The following PCDHGA2 variants were observed in gnomAD, a reference collection of about 807,000 sequenced individuals.
The protein encoded by PCDHGA2 is protocadherin gamma-A2.
A neutral mutation model predicts 59.2 loss-of-function variants in PCDHGA2; 40 were observed. The observed-to-expected ratio is 0.68, with a 90% CI of 0.52 to 0.88. The LOEUF is 0.88. Among genes scored for constraint, PCDHGA2 ranks in the 40% least tolerant of loss-of-function variants. The pLI is 0.00. For synonymous variants in PCDHGA2, 560 were observed against 526.0 expected, an observed-to-expected ratio of 1.06 and a Z score of -0.89; for missense variants, 1,226 against 1,204.0, an observed-to-expected ratio of 1.02 and a Z score of -0.27.
chr5:141,509,068 G>T (rs1267011061), intron 3 of PCDHGA2, among the ~76,000 whole-genome samples: 1 of 152,144 alleles, frequency 6.6e-6, no homozygotes, highest in Non-Finnish European at 1.5e-5. Context: ...TCTCAGCTCC[G>T]GGGATTTGCG....
chr5:141,370,888 A>G, intron 1 of PCDHGA2: 1 of 1,614,036 alleles, frequency 6.2e-7, no homozygotes, highest in Non-Finnish European at 8.5e-7. Context: ...GTAGGTGTCA[A>G]TTCGCTGCAG....
chr5:141,398,740 CAG>C (rs759927246), intron 1 of PCDHGA2: 11 of 1,613,746 alleles, frequency 6.8e-6, no homozygotes, highest in Non-Finnish European at 1.7e-6. Context: ...CCGGGAACAA[CAG>C]AGTTACCATC....
chr5:141,396,611 C>T (rs1310113508), intron 1 of PCDHGA2: 1 of 150,986 alleles, frequency 6.6e-6, no homozygotes, highest in Non-Finnish European at 1.5e-5. Flanking sequence ...CAGGGTGAGA[C>T]TCCGTCTCAA....
rs888836155 is a variant in PCDHGA2, at chr5:141,512,011, A to C, written c.*838A>C. The C allele has an allele frequency of 1.3e-5, 2 of 152,946 alleles. No homozygotes were observed. The highest frequency in any genetic ancestry group is 6.5e-5 in the Admixed American group (1 of 15,300). The allele number at this position is 152,946 out of a possible 1,614,324, so 9.5% of individuals were successfully genotyped here. ...GGCATGGACAAAGCTTGACACATCA[A>C]GTTATCAAGGCCTTGGAGGAGGCTC... On this transcript the variant is annotated 3_prime_UTR_variant, in exon 4 of 4. Coordinates refer to ENST00000394576, the MANE Select transcript of PCDHGA2 (RefSeq NM_018915.4).
chr5:141,408,155 C>T (rs1355335396), intron 1 of PCDHGA2: 2 of 1,511,456 alleles, frequency 1.3e-6, no homozygotes, highest in Non-Finnish European at 1.8e-6. Flanking sequence ...GTAGAGTGCA[C>T]TTTCTCCAAC....
At chr5:141,362,570 A>T (rs1444834123) in intron 1 of PCDHGA2, 1 of 1,606,622 alleles carries the variant, frequency 6.2e-7, no homozygotes, top group Non-Finnish European at 8.5e-7. Flanking sequence ...AGCTTTAATT[A>T]ATTTATTTTC....
chr5:141,496,554 G>T (rs2099769470), intron 2 of PCDHGA2, among the ~76,000 whole-genome samples: 1 of 152,160 alleles, frequency 6.6e-6, no homozygotes, highest in Non-Finnish European at 1.5e-5. Context: ...TTCTGGGCAT[G>T]CACAGTCCTG....
chr5:141,381,257 C>G (rs1284591781), intron 1 of PCDHGA2, among the ~76,000 whole-genome samples: 1 of 152,248 alleles, frequency 6.6e-6, no homozygotes, highest in Non-Finnish European at 1.5e-5. Flanking sequence ...GAAGAATTTA[C>G]AAACCAAGAC....
chr5:141,389,524 G>A, intron 1 of PCDHGA2: 5 of 1,613,146 alleles, frequency 3.1e-6, no homozygotes, highest in South Asian at 1.1e-5. Context: ...GTGAGCCTGC[G>A]CGTGTTAGTG....
chr5:141,362,025 T>A (rs1199168452), intron 1 of PCDHGA2: 3 of 1,608,318 alleles, frequency 1.9e-6, no homozygotes, highest in Admixed American at 3.3e-5. Flanking sequence ...GCACAGCGCG[T>A]GCCTTGGGCG....
At chr5:141,355,030 A>G (rs1383084730) in intron 1 of PCDHGA2, 4 of 976,996 alleles carry the variant, frequency 4.1e-6, no homozygotes, top group African/African-American at 3.3e-5. Flanking sequence ...CAGAATCACA[A>G]GATTTCTGCA....
chr5:141,479,813 T>G (rs543146395), intron 1 of PCDHGA2, among the ~76,000 whole-genome samples: 1 of 152,318 alleles, frequency 6.6e-6, no homozygotes, highest in South Asian at 2.1e-4. Flanking sequence ...TATGCAAGGA[T>G]ACTATCCAAG....
chr5:141,375,296 G>A lies in PCDHGA2; in HGVS notation c.2424+33901G>A, dbSNP rs1771320516. ...ATCAGTTGGCAATTATTATCGATTA[G>A]TGACAAATGCAGCTCTAGACCGGGA... On this transcript the variant is annotated intron_variant, in intron 1 of 3. Transcript: ENST00000394576. 5 of 1,613,828 alleles carry A rather than the reference G, an allele frequency of 3.1e-6. No homozygotes were observed. The South Asian group carries it at 4.4e-5, about 14-fold the overall frequency.
At chr5:141,383,303 C>T (rs1445366017) in intron 1 of PCDHGA2, 4 of 1,613,892 alleles carry the variant, frequency 2.5e-6, no homozygotes. Flanking sequence ...AGATTCTTGA[C>T]GGAAGAAATA....
chr5:141,408,390 C>T (rs375719639), intron 1 of PCDHGA2: 1 of 1,613,902 alleles, frequency 6.2e-7, no homozygotes, highest in East Asian at 2.2e-5. Context: ...GATGTGTCGG[C>T]TCGCAAGCTG....
chr5:141,485,340 C>A lies in PCDHGA2; in HGVS notation c.2425-9467C>A. 1 of 1,614,076 alleles carries A rather than the reference C, an allele frequency of 6.2e-7. No individual in the cohort carries two copies. On this transcript the variant is annotated intron_variant, in intron 1 of 3. Transcript: ENST00000394576. The surrounding 1 kb of genome is among the most constrained non-coding windows in gnomAD (Gnocchi z 5.7). ...GTCGCTCAAGATTTCCTGCTGGATA[C>A]GGACAGTCTGTCAGCTCGCAGGCTG...
In PCDHGA2 at chr5:141,487,186, A is replaced by G; in HGVS notation, c.2425-7621A>G. 4 of 1,613,760 alleles carry G rather than the reference A, an allele frequency of 2.5e-6. No individual in the cohort carries two copies. The highest frequency in any genetic ancestry group is 2.5e-6 in the Non-Finnish European group (3 of 1,179,662). ...TGTCCTTAGAGGAAGACACTCATCC[A>G]GTTGTCCCAGATCTTCGAGAATCTT... is the stretch of plus-strand genomic sequence containing the variant. On this transcript the variant is annotated intron_variant, in intron 1 of 3. Coordinates refer to ENST00000394576, the MANE Select transcript of PCDHGA2 (RefSeq NM_018915.4). This position sits in a 1 kb window ranked among gnomAD's most constrained non-coding sequence, Gnocchi z 5.0.
At chr5:141,375,477 A>G (rs757005832) in intron 1 of PCDHGA2, 132 of 1,613,680 alleles carry the variant, frequency 8.2e-5, no homozygotes, top group Non-Finnish European at 1.1e-4. Context: ...CTTGAAAACA[A>G]CCCCAGGGGT....
chr5:141,492,695 A>G (rs925499358), intron 1 of PCDHGA2, among the ~76,000 whole-genome samples: 14 of 152,214 alleles, frequency 9.2e-5, no homozygotes, highest in African/African-American at 3.1e-4. Context: ...CGACCCCTCA[A>G]CCCAGAAGCC....
Sources: allele counts gnomAD v4.1 joint callset (sites outside exome capture counted in the v4.1 genomes callset), GRCh38; gene constraint gnomAD v4.1.1; non-coding constraint Gnocchi (gnomAD v3.1); transcripts MANE v1.5; gene names NCBI Gene and HGNC (gene_info 2026-07-23, HGNC 2026-07-21).